The following SYN3 variants were observed in gnomAD, a reference collection of about 807,000 sequenced individuals.
SYN3 encodes the protein synapsin-3.
SYN3 carries 35 observed loss-of-function variants against 65.8 expected under a neutral mutation model. That is an observed-to-expected ratio of 0.53 (90% CI 0.41 to 0.70). The LOEUF is 0.70. SYN3 is among the 30% of genes least tolerant of loss of function. SYN3 has a pLI of 0.00. For synonymous variants in SYN3, 270 were observed against 292.9 expected (o/e 0.92, Z 0.80); for missense variants, 680 against 749.0 (o/e 0.91, Z 1.08).
intron 1 of SYN3, among the ~76,000 whole-genome samples, 159 bp from the exon 2 acceptor site, chr22:33,006,983 AC>A (rs1423825643): frequency 6.6e-6 from 1 of 152,226 alleles, no homozygotes; most frequent in East Asian, 1.9e-4. Context: ...TAGCTTTTTA[AC>A]CTACAATTTC....
chr22:33,027,872 A>G (rs1346237816), intron 1 of SYN3, among the ~76,000 whole-genome samples: 1 of 152,214 alleles, frequency 6.6e-6, no homozygotes, highest in African/African-American at 2.4e-5. Flanking sequence ...AGAGACAAAG[A>G]GCTGAGCAAA....
chr22:32,642,479 C>T lies in SYN3; in HGVS notation c.712-45743G>A, dbSNP rs5754178. 7.4e-4 allele frequency among the ~76,000 whole-genome samples: 112 copies of T among 151,010 alleles called. 1 individual carries two copies. The East Asian group carries it at 0.02, about 27-fold the overall frequency. On this transcript the variant is annotated intron_variant, in intron 6 of 13. Coordinates refer to ENST00000358763, the MANE Select transcript of SYN3 (RefSeq NM_003490.4). Reference sequence around the variant, plus strand: ...TAATTGAGATGGAGTCTTGCTCTGTCGCCCAGGCTGGAGTGCAGTGGCGCA... The same window carrying T: ...TAATTGAGATGGAGTCTTGCTCTGTTGCCCAGGCTGGAGTGCAGTGGCGCA...
intron 6 of SYN3, among the ~76,000 whole-genome samples, chr22:32,604,607 C>A (rs961474840): frequency 6.6e-6 from 1 of 152,044 alleles, no homozygotes; most frequent in Non-Finnish European, 1.5e-5. Flanking sequence ...AAATTCTGTC[C>A]CTGAAAAGCC....
At chr22:32,587,299 G>A (rs1395668422) in intron 7 of SYN3, among the ~76,000 whole-genome samples, 1 of 151,566 alleles carries the variant, frequency 6.6e-6, no homozygotes, top group Admixed American at 6.6e-5. Context: ...GGAGTGGCAG[G>A]TAGGTGAGAG....
chr22:32,776,215 C>A (rs578027453), intron 6 of SYN3, among the ~76,000 whole-genome samples: 1 of 152,144 alleles, frequency 6.6e-6, no homozygotes. Flanking sequence ...ACAACCCTGG[C>A]GACACCCTTT....
At chr22:32,619,406 G>T (rs1250499747) in intron 6 of SYN3, among the ~76,000 whole-genome samples, 1 of 152,146 alleles carries the variant, frequency 6.6e-6, no homozygotes, top group Non-Finnish European at 1.5e-5. Context: ...TGAAATACCA[G>T]GTTTTGAATT....
intron 6 of SYN3, among the ~76,000 whole-genome samples, chr22:32,823,724 G>A (rs2047321344): frequency 6.6e-6 from 1 of 152,054 alleles, no homozygotes; most frequent in African/African-American, 2.4e-5. Flanking sequence ...CCGTGTAGGA[G>A]CAGGGGAGGC....
intron 4 of SYN3, among the ~76,000 whole-genome samples, chr22:32,886,294 G>A (rs919189223): frequency 6.6e-6 from 1 of 152,156 alleles, no homozygotes; most frequent in Non-Finnish European, 1.5e-5. Context: ...CTGCGAGGTC[G>A]TGAGAATGTT....
At chr22:32,828,807 G>C (rs1333228070) in intron 6 of SYN3, among the ~76,000 whole-genome samples, 1 of 152,192 alleles carries the variant, frequency 6.6e-6, no homozygotes, top group Non-Finnish European at 1.5e-5. Context: ...CCCAGATTCA[G>C]TGCTGGAGCC....
At chr22:32,875,073 T>C (rs2048948495) in intron 4 of SYN3, among the ~76,000 whole-genome samples, 1 of 152,160 alleles carries the variant, frequency 6.6e-6, no homozygotes, top group Non-Finnish European at 1.5e-5. Context: ...CTTTGGGAAT[T>C]AGTGATGCTT....
chr22:32,852,355 G>T (rs907573461), intron 6 of SYN3, among the ~76,000 whole-genome samples: 5 of 152,178 alleles, frequency 3.3e-5, no homozygotes, highest in African/African-American at 9.7e-5. Context: ...GGAACAAAAA[G>T]AGGTCAGTTT....
chr22:33,043,458 G>C (rs1408202204), intron 1 of SYN3, among the ~76,000 whole-genome samples: 1 of 152,184 alleles, frequency 6.6e-6, no homozygotes, highest in East Asian at 1.9e-4. Context: ...TGAGGCAGGA[G>C]AATGGCTTGA....
intron 3 of SYN3, among the ~76,000 whole-genome samples, chr22:32,937,721 A>G (rs1423540936): frequency 3.3e-5 from 5 of 152,168 alleles, no homozygotes; most frequent in African/African-American, 1.2e-4. Context: ...ACAATTCAAC[A>G]TGAGATTTAG....
At chr22:32,755,546 G>A (rs1281023766) in intron 6 of SYN3, among the ~76,000 whole-genome samples, 2 of 152,128 alleles carry the variant, frequency 1.3e-5, no homozygotes, top group Non-Finnish European at 2.9e-5. Context: ...TTTTGACTCC[G>A]AGCTCAGCGT....
At chr22:32,676,167 G>C (rs971023703) in intron 6 of SYN3, among the ~76,000 whole-genome samples, 1 of 152,186 alleles carries the variant, frequency 6.6e-6, no homozygotes, top group Non-Finnish European at 1.5e-5. Flanking sequence ...AAGAAATACT[G>C]TCTTTCATCA....
chr22:32,893,608 C>T lies in SYN3; in HGVS notation c.462-24483G>A, dbSNP rs1348569512. 2.6e-5 allele frequency among the ~76,000 whole-genome samples: 4 copies of T among 152,174 alleles called. No homozygotes were observed. In the East Asian group the frequency reaches 7.7e-4, roughly 29 times the overall value. On this transcript the variant is annotated intron_variant, in intron 4 of 13. Coordinates refer to ENST00000358763, the MANE Select transcript of SYN3 (RefSeq NM_003490.4). ...CACTTTGTAGCTGAGTGACTGTCCACGTGTGGGGAAGGAGCATTTTCACTC... is the reference window on the plus strand; with the variant it reads ...CACTTTGTAGCTGAGTGACTGTCCATGTGTGGGGAAGGAGCATTTTCACTC...
At chr22:32,664,339 A>G (rs2060258939) in intron 6 of SYN3, among the ~76,000 whole-genome samples, 1 of 152,214 alleles carries the variant, frequency 6.6e-6, no homozygotes, top group South Asian at 2.1e-4. Flanking sequence ...AAGGCCAGGG[A>G]GACTTGGCCA....
At chr22:32,861,485 G>C (rs1158942460) in intron 6 of SYN3, 2 of 152,376 alleles carry the variant, frequency 1.3e-5, no homozygotes, top group Middle Eastern at 3.4e-3. Flanking sequence ...GGTCTCGCAT[G>C]GTGGGGCCCC....
At chr22:32,739,301 G>C (rs977224924) in intron 6 of SYN3, among the ~76,000 whole-genome samples, 2 of 151,610 alleles carry the variant, frequency 1.3e-5, no homozygotes, top group Non-Finnish European at 2.9e-5. Context: ...CACCATGTAA[G>C]ATGTGCCTTT....
Sources: gnomAD v4.1 joint callset for allele counts (sites outside exome capture counted in the v4.1 genomes callset) on GRCh38, gnomAD v4.1.1 for gene constraint, MANE v1.5 for transcripts, NCBI Gene and HGNC (gene_info 2026-07-23, HGNC 2026-07-21) for gene names.